The following LHFPL6 variants were observed in gnomAD, a reference collection of about 807,000 sequenced individuals.
LHFPL6 encodes the protein LHFPL tetraspan subfamily member 6 protein.
In LHFPL6, 9 loss-of-function variants were observed where a neutral mutation model predicts 20.6. The observed-to-expected ratio is 0.44, with a 90% confidence interval of 0.26 to 0.76. The LOEUF is 0.76. Ranked by LOEUF, LHFPL6 falls within the 30% of genes least tolerant of loss-of-function variation. The pLI is 0.20. For synonymous variants in LHFPL6, 105 were observed against 98.7 expected (o/e 1.06, Z -0.38); for missense variants, 218 against 253.5 (o/e 0.86, Z 0.95).
intron 2 of LHFPL6, among the ~76,000 whole-genome samples, chr13:39,591,573 T>G (rs1872592469): frequency 6.6e-6 from 1 of 152,162 alleles, no homozygotes; most frequent in African/African-American, 2.4e-5. Context: ...GGTGTAAGTC[T>G]ACATGCCAAT....
chr13:39,536,323 C>T (rs190791381), intron 2 of LHFPL6, among the ~76,000 whole-genome samples: 2 of 152,232 alleles, frequency 1.3e-5, no homozygotes, highest in African/African-American at 2.4e-5. Flanking sequence ...TTGATGGCCA[C>T]GGAGTTGTAC....
intron 2 of LHFPL6, among the ~76,000 whole-genome samples, chr13:39,477,786 T>A (rs1005970633): frequency 6.6e-6 from 1 of 152,206 alleles, no homozygotes; most frequent in Non-Finnish European, 1.5e-5. Flanking sequence ...ACCACATAAA[T>A]TTTTGGTTCT....
At chr13:39,423,533 C>T (rs1461627778) in intron 2 of LHFPL6, among the ~76,000 whole-genome samples, 1 of 152,048 alleles carries the variant, frequency 6.6e-6, no homozygotes, top group Non-Finnish European at 1.5e-5. Flanking sequence ...ATGCGATTCT[C>T]CTGCCTCACC....
chr13:39,459,222 G>GTA (rs1872638367), intron 2 of LHFPL6, among the ~76,000 whole-genome samples: 1 of 151,372 alleles, frequency 6.6e-6, no homozygotes, highest in South Asian at 2.1e-4. Flanking sequence ...GTGTGTGTGT[G>GTA]TGTGTGTGTG....
chr13:39,468,090 T>G (rs1276852308), intron 2 of LHFPL6, among the ~76,000 whole-genome samples: 1 of 152,196 alleles, frequency 6.6e-6, no homozygotes, highest in Non-Finnish European at 1.5e-5. Context: ...TTCCATTCAA[T>G]GCCAATAAAA....
intron 2 of LHFPL6, among the ~76,000 whole-genome samples, chr13:39,486,850 A>G (rs1868743369): frequency 6.6e-6 from 1 of 152,232 alleles, no homozygotes; most frequent in South Asian, 2.1e-4. Context: ...TAAAGAAAGG[A>G]TTGAAATTGT....
At chr13:39,486,851 T>C (rs1868743460) in intron 2 of LHFPL6, among the ~76,000 whole-genome samples, 1 of 152,236 alleles carries the variant, frequency 6.6e-6, no homozygotes, top group Admixed American at 6.5e-5. Context: ...AAAGAAAGGA[T>C]TGAAATTGTG....
At chr13:39,531,671 G>A (rs868584679) in intron 2 of LHFPL6, among the ~76,000 whole-genome samples, 2 of 152,146 alleles carry the variant, frequency 1.3e-5, no homozygotes, top group Non-Finnish European at 2.9e-5. Flanking sequence ...GCCCCTGAAC[G>A]CTAGATGTGG....
intron 2 of LHFPL6, among the ~76,000 whole-genome samples, chr13:39,447,699 C>T (rs771479579): frequency 2.6e-4 from 39 of 152,128 alleles, no homozygotes; most frequent in Non-Finnish European, 5.1e-4. Flanking sequence ...ACCAAGGTCA[C>T]TCAACGGTTG....
intron 2 of LHFPL6, among the ~76,000 whole-genome samples, chr13:39,450,773 T>C (rs951940286): frequency 6.6e-6 from 1 of 152,188 alleles, no homozygotes; most frequent in Non-Finnish European, 1.5e-5. Flanking sequence ...CTCCAGCTAA[T>C]GTTATTATGG....
At chr13:39,463,543 T>C (rs963774176) in intron 2 of LHFPL6, among the ~76,000 whole-genome samples, 25 of 152,172 alleles carry the variant, frequency 1.6e-4, no homozygotes, top group African/African-American at 6.0e-4. Flanking sequence ...AAAGATTTAT[T>C]TGAGGTAGGG....
chr13:39,547,618 C>T (rs1406679115), intron 2 of LHFPL6, among the ~76,000 whole-genome samples: 4 of 152,026 alleles, frequency 2.6e-5, no homozygotes, highest in Non-Finnish European at 5.9e-5. Context: ...CTGATCTGGA[C>T]CAGCTCCTGA....
In LHFPL6 at chr13:39,601,170, G is replaced by T; in HGVS notation, c.47C>A (p.Ser16Tyr). ...TCTGVIWALL[S>Y]FLCAATSCVG... ...GCAGGAGGTGGCAGCACAAAGAAAA[G>T]ACAGCAAAGCCCAGATTACTCCAGT... is the stretch of plus-strand genomic sequence containing the variant. Residue 16 changes from serine to tyrosine, a missense_variant, in exon 2 of 4, where the codon TCT (serine) becomes TAT (tyrosine). Ser to Tyr is a moderately radical substitution (Grantham distance 144, BLOSUM62 -2). Coordinates refer to ENST00000379589, the MANE Select transcript of LHFPL6 (RefSeq NM_005780.3). The T allele has an allele frequency of 6.2e-7, 1 of 1,614,078 alleles. No homozygotes were observed. Among genetic ancestry groups the T allele is most frequent in the Non-Finnish European group, 8.5e-7 (1 of 1,180,022 alleles).
chr13:39,537,389 T>C (rs962342527), intron 2 of LHFPL6, among the ~76,000 whole-genome samples: 4 of 152,336 alleles, frequency 2.6e-5, no homozygotes, highest in East Asian at 3.9e-4. Flanking sequence ...AAGTCCATTT[T>C]AGAAGGTCAC....
chr13:39,372,193 T>C (rs951171280), intron 3 of LHFPL6, among the ~76,000 whole-genome samples: 1 of 152,178 alleles, frequency 6.6e-6, no homozygotes, highest in African/African-American at 2.4e-5. Flanking sequence ...GTCAGTCAAG[T>C]CTGTAGCTGA....
intron 2 of LHFPL6, among the ~76,000 whole-genome samples, chr13:39,559,955 G>C (rs1237884380): frequency 1.3e-5 from 2 of 151,694 alleles, no homozygotes; most frequent in Non-Finnish European, 2.9e-5. Context: ...CTGAATGAAC[G>C]CCCTCTCAAT....
chr13:39,428,518 T>A (rs1871703436), intron 2 of LHFPL6, among the ~76,000 whole-genome samples: 1 of 152,210 alleles, frequency 6.6e-6, no homozygotes, highest in African/African-American at 2.4e-5. Flanking sequence ...ATTATCATTG[T>A]AATCTATAGC....
intron 2 of LHFPL6, among the ~76,000 whole-genome samples, chr13:39,540,885 T>C (rs1870775342): frequency 6.6e-6 from 1 of 152,200 alleles, no homozygotes; most frequent in Non-Finnish European, 1.5e-5. Context: ...ACATTTTTTC[T>C]CTCAAACATT....
chr13:39,345,371 A>T (rs1015107961), intron 3 of LHFPL6, among the ~76,000 whole-genome samples: 2 of 151,876 alleles, frequency 1.3e-5, no homozygotes, highest in African/African-American at 4.8e-5. Context: ...AAATTAGCCA[A>T]GCATGGTGGT....
Sources: gnomAD v4.1 joint callset for allele counts (sites outside exome capture counted in the v4.1 genomes callset) on GRCh38, gnomAD v4.1.1 for gene constraint, MANE v1.5 for transcripts, NCBI Gene and HGNC (gene_info 2026-07-23, HGNC 2026-07-21) for gene names.